The following ABHD16A variants were observed in gnomAD, a reference collection of about 807,000 sequenced individuals.
The protein encoded by ABHD16A is phosphatidylserine lipase ABHD16A.
A neutral mutation model predicts 89.8 loss-of-function variants in ABHD16A; 47 were observed. The observed-to-expected ratio is 0.52, with a 90% confidence interval of 0.41 to 0.67. The LOEUF (loss-of-function observed/expected upper bound fraction) is 0.67, where lower values mean the gene tolerates loss of function less well. Among genes scored for constraint, ABHD16A ranks in the 30% least tolerant of loss-of-function variants. The probability of loss-of-function intolerance (pLI) is 0.00; values close to 1 mark genes in which losing one functional copy is unlikely to be tolerated. For synonymous variants in ABHD16A, 251 were observed against 280.4 expected, an observed-to-expected ratio of 0.90 and a Z score of 1.05; for missense variants, 580 against 734.6, an observed-to-expected ratio of 0.79 and a Z score of 2.43.
chr6:31,696,586 T>C (rs1342047596), intron 5 of ABHD16A, among the ~76,000 whole-genome samples: 1 of 150,336 alleles, frequency 6.7e-6, no homozygotes, highest in East Asian at 2.0e-4. Context: ...TGAGCCGAGA[T>C]CGTGCCATTG....
intron 11 of ABHD16A, 104 bp from the exon 12 acceptor site, chr6:31,689,808 A>G: frequency 6.8e-7 from 1 of 1,469,824 alleles, no homozygotes; most frequent in Non-Finnish European, 9.1e-7. Flanking sequence ...ACAGGCAGAG[A>G]AGGTGTAGAA....
intron 5 of ABHD16A, among the ~76,000 whole-genome samples, chr6:31,694,387 C>CTTT (rs1190272819): frequency 1.4e-4 from 11 of 77,704 alleles, no homozygotes; most frequent in Non-Finnish European, 2.1e-4. Context: ...GGAGCTGTGT[C>CTTT]TTTTTTTTTT....
At position 31,697,030 on chromosome 6, in the gene ABHD16A, A is replaced by C; in HGVS notation, c.347T>G (p.Ile116Ser). 6.2e-7 allele frequency: 1 copy of C among 1,612,856 alleles called. No homozygotes were observed. The highest frequency in any genetic ancestry group is 8.5e-7 in the Non-Finnish European group (1 of 1,179,808). The change falls in exon 5 of 20, where the codon ATT (isoleucine) becomes AGT (serine). Residue 116 changes from isoleucine (I) to serine (S), a missense_variant. Ile to Ser is a moderately radical substitution (Grantham distance 142). Around this residue, in one of 2 missense-constraint regions of ABHD16A, gnomAD observed 165 missense variants for 165.8 expected, o/e 1.00. Transcript: ENST00000395952. ...GTACTGGGGGTTGGTCCAGCGGCCA[A>C]TGCCTGGTAGAAAAAGGACAGGAAA... is the stretch of plus-strand genomic sequence containing the variant. Reference protein sequence around the residue: ...LLAGVACLRGIGRWTNPQYRQ... With the variant: ...LLAGVACLRGSGRWTNPQYRQ...
intron 4 of ABHD16A, 144 bp downstream of exon 4, chr6:31,700,798 T>G: frequency 3.0e-6 from 2 of 670,636 alleles, no homozygotes; most frequent in South Asian, 4.0e-5. Flanking sequence ...AACCCAAGTC[T>G]TTTAAGGAAA....
chr6:31,702,936 G>T, intron 1 of ABHD16A: 1 of 1,294,250 alleles, frequency 7.7e-7, no homozygotes, highest in Non-Finnish European at 9.8e-7. Context: ...AGTGGCAGTC[G>T]GAATGAGAAA....
chr6:31,697,664 C>A (rs1804530185), intron 4 of ABHD16A, among the ~76,000 whole-genome samples: 1 of 152,214 alleles, frequency 6.6e-6, no homozygotes, highest in Non-Finnish European at 1.5e-5. Flanking sequence ...CTCCTTTCTG[C>A]TTTCCTTTCT....
Position 31,696,931 on chromosome 6 carries a change from T to C in ABHD16A, c.429+17A>G, listed in dbSNP as rs1804453115. On this transcript the variant is annotated intron_variant, in intron 5 of 19. Transcript: ENST00000395952. ...GCTATTGGGTGCCTGTGTGGCACTT[T>C]TCCTAGGGCCTCTCACCTTGTTTTC... The C allele has an allele frequency of 8.1e-6, 13 of 1,609,806 alleles. No individual in the cohort carries two copies. The highest frequency in any genetic ancestry group is 1.1e-5 in the Non-Finnish European group (13 of 1,177,028).
intron 7 of ABHD16A, chr6:31,692,698 A>G (rs768965603): frequency 7.1e-5 from 29 of 409,008 alleles, no homozygotes; most frequent in Non-Finnish European, 1.3e-4. Flanking sequence ...CGATGGGTAC[A>G]CAGATGCTAC....
At chr6:31,697,749 TCTC>T (rs1256494633) in intron 4 of ABHD16A, among the ~76,000 whole-genome samples, 2 of 152,154 alleles carry the variant, frequency 1.3e-5, no homozygotes, top group African/African-American at 4.8e-5. Flanking sequence ...TTGCATCCAC[TCTC>T]CTTTCACTGC....
At chr6:31,691,754 G>A in intron 8 of ABHD16A, 50 bp downstream of exon 8, 1 of 1,546,076 alleles carries the variant, frequency 6.5e-7, no homozygotes, top group Non-Finnish European at 8.8e-7. Context: ...CGGGGTGGGT[G>A]GGGGTGAGAG....
In ABHD16A at chr6:31,691,686, T is replaced by C. The variant is rs1259826952; in HGVS notation, c.742-6A>G. On this transcript the variant is annotated splice_polypyrimidine_tract_variant and splice_region_variant and intron_variant, in intron 8 of 19. Transcript: ENST00000395952. Reference sequence around the variant, plus strand: ...TTTGCCCGGCGCCCATTACACTGAGTACGGAAGACGCAATGGCCAAGATGC... The same window carrying C: ...TTTGCCCGGCGCCCATTACACTGAGCACGGAAGACGCAATGGCCAAGATGC... 1 of 1,572,126 alleles carries C rather than the reference T, an allele frequency of 6.4e-7. No homozygotes were observed. Among genetic ancestry groups the C allele is most frequent in the East Asian group, 2.4e-5 (1 of 42,384 alleles).
intron 2 of ABHD16A, among the ~76,000 whole-genome samples, chr6:31,701,543 G>A (rs1805006364): frequency 6.6e-6 from 1 of 152,104 alleles, no homozygotes; most frequent in South Asian, 2.1e-4. Context: ...GGAAAATTTG[G>A]TACAGGCTCT....
intron 7 of ABHD16A, chr6:31,692,705 C>G (rs1804005834): frequency 2.4e-6 from 1 of 422,388 alleles, no homozygotes. Flanking sequence ...TACACAGATG[C>G]TACCAGAGCC....
At chr6:31,702,959 G>A in intron 1 of ABHD16A, 191 bp downstream of exon 1, 1 of 1,296,262 alleles carries the variant, frequency 7.7e-7, no homozygotes, top group Non-Finnish European at 9.8e-7. Flanking sequence ...GGTAAAGAGC[G>A]AAAAAGAAAG....
chr6:31,691,459 A>C, intron 9 of ABHD16A, 120 bp downstream of exon 9: 2 of 821,932 alleles, frequency 2.4e-6, no homozygotes, highest in Middle Eastern at 4.6e-4. Context: ...GCGTGGAGCT[A>C]GGACATGAGA....
At chr6:31,697,552 C>T (rs1353287511) in intron 4 of ABHD16A, among the ~76,000 whole-genome samples, 2 of 152,188 alleles carry the variant, frequency 1.3e-5, no homozygotes, top group African/African-American at 4.8e-5. Flanking sequence ...TTCTCTTCAA[C>T]TGTACTACTC....
intron 9 of ABHD16A, among the ~76,000 whole-genome samples, chr6:31,691,113 C>A (rs911841557): frequency 6.6e-6 from 1 of 152,112 alleles, no homozygotes; most frequent in East Asian, 1.9e-4. Flanking sequence ...CCTGGCTTAG[C>A]GCTCTTTCCA....
At chr6:31,702,754 AG>A in intron 1 of ABHD16A, 2 of 1,519,166 alleles carry the variant, frequency 1.3e-6, no homozygotes, top group Non-Finnish European at 1.8e-6. Flanking sequence ...ATAAAAACAG[AG>A]CCGGGGGAGG....
Position 31,693,556 on chromosome 6 carries a change from G to A in ABHD16A, c.430-124C>T, listed in dbSNP as rs1451930107. ...ACACATCATGGGGAAACCAAGCGGA[G>A]GTCAATACCCTCCCAATTCTCAGAT... On this transcript the variant is annotated intron_variant, in intron 5 of 19. Transcript: ENST00000395952. This position sits in a 1 kb window ranked among gnomAD's most constrained non-coding sequence, Gnocchi z 5.0. 3.6e-6 allele frequency: 3 copies of A among 844,988 alleles called. No individual in the cohort carries two copies. Among genetic ancestry groups the A allele is most frequent in the African/African-American group, 3.4e-5 (2 of 58,888 alleles). The allele number at this position is 844,988 out of a possible 1,614,324, so 52.3% of individuals were successfully genotyped here.
Sources: allele counts gnomAD v4.1 joint callset (sites outside exome capture counted in the v4.1 genomes callset), GRCh38; gene constraint gnomAD v4.1.1; regional missense constraint gnomAD v4.1.1; non-coding constraint Gnocchi (gnomAD v3.1); transcripts MANE v1.5; gene names NCBI Gene and HGNC (gene_info 2026-07-23, HGNC 2026-07-21).